The following SMYD3 variants were observed in gnomAD, a reference collection of about 807,000 sequenced individuals.
SMYD3 encodes the protein histone-lysine N-methyltransferase SMYD3.
A neutral mutation model predicts 57.7 loss-of-function variants in SMYD3; 36 were observed. That is an observed-to-expected ratio of 0.62 (90% CI 0.48 to 0.82). The LOEUF (loss-of-function observed/expected upper bound fraction) is 0.82. Among genes scored for constraint, SMYD3 ranks in the 40% least tolerant of loss-of-function variants. The probability of loss-of-function intolerance (pLI) is 0.00; values close to 1 mark genes in which losing one functional copy is unlikely to be tolerated. For missense variants in SMYD3, 515 were observed against 538.8 expected, an observed-to-expected ratio of 0.96 and a Z score of 0.44; for synonymous variants, 211 against 195.0, an observed-to-expected ratio of 1.08 and a Z score of -0.68.
chr1:246,502,357 T>A (rs557412033), intron 1 of SMYD3, among the ~76,000 whole-genome samples: 1 of 152,094 alleles, frequency 6.6e-6, no homozygotes, highest in African/African-American at 2.4e-5. Context: ...ATCTTGAACT[T>A]ATGGGCTCAA....
intron 1 of SMYD3, among the ~76,000 whole-genome samples, chr1:246,451,888 T>C (rs6688034): frequency 0.01 from 1,561 of 152,280 alleles, 27 homozygotes; most frequent in African/African-American, 0.036. Context: ...ACATCAAAAA[T>C]ATACTGTTTT....
At chr1:246,485,613 C>G (rs111392793) in intron 1 of SMYD3, among the ~76,000 whole-genome samples, 2,450 of 151,680 alleles carry the variant, frequency 0.016, 31 homozygotes, top group Non-Finnish European at 0.024. Flanking sequence ...GAGACCCCCC[C>G]CCACATCTCT....
chr1:246,023,480 CA>C (rs2059510149), intron 5 of SMYD3, among the ~76,000 whole-genome samples: 1 of 152,078 alleles, frequency 6.6e-6, no homozygotes, highest in South Asian at 2.1e-4. Context: ...CCACAGTTTT[CA>C]GTAGAAAAGA....
chr1:245,940,413 A>T (rs1195043342), intron 5 of SMYD3, among the ~76,000 whole-genome samples: 1 of 152,124 alleles, frequency 6.6e-6, no homozygotes, highest in Non-Finnish European at 1.5e-5. Flanking sequence ...CTCTGGGAGG[A>T]AGCTCCCAGA....
chr1:246,011,153 C>T (rs1446500388), intron 5 of SMYD3, among the ~76,000 whole-genome samples: 1 of 152,120 alleles, frequency 6.6e-6, no homozygotes. Flanking sequence ...GCAGAAGGAA[C>T]CTCAAAACTT....
At chr1:246,353,717 C>G (rs1205963569) in intron 2 of SMYD3, among the ~76,000 whole-genome samples, 2 of 152,192 alleles carry the variant, frequency 1.3e-5, no homozygotes, top group African/African-American at 2.4e-5. Context: ...TTGGCTGTCT[C>G]TCTGTCCTCA....
intron 5 of SMYD3, among the ~76,000 whole-genome samples, chr1:246,045,164 G>A (rs977999289): frequency 1.4e-4 from 22 of 152,060 alleles, no homozygotes; most frequent in Non-Finnish European, 2.4e-4. Context: ...AAAAGAGCCC[G>A]CATCACCAAG....
chr1:246,168,706 T>C (rs1277014381), intron 5 of SMYD3, among the ~76,000 whole-genome samples: 1 of 152,196 alleles, frequency 6.6e-6, no homozygotes, highest in Non-Finnish European at 1.5e-5. Context: ...CATTCCTTTC[T>C]GCCCACACAC....
intron 1 of SMYD3, among the ~76,000 whole-genome samples, chr1:246,381,613 C>T (rs1344680312): frequency 1.3e-5 from 2 of 152,232 alleles, no homozygotes; most frequent in Non-Finnish European, 2.9e-5. Flanking sequence ...GGAGTGAGTA[C>T]ATCCAGTACC....
At chr1:245,977,406 C>A (rs905313388) in intron 5 of SMYD3, among the ~76,000 whole-genome samples, 1 of 152,134 alleles carries the variant, frequency 6.6e-6, no homozygotes, top group African/African-American at 2.4e-5. Context: ...GGGCCACGCA[C>A]GGTGGCTCAC....
At chr1:246,271,226 AT>A (rs1206285096) in intron 5 of SMYD3, among the ~76,000 whole-genome samples, 2 of 152,142 alleles carry the variant, frequency 1.3e-5, no homozygotes, top group African/African-American at 4.8e-5. Flanking sequence ...AGGTTTGCAA[AT>A]ATCTTCTCCC....
At chr1:245,938,938 G>C (rs1006952660) in intron 5 of SMYD3, among the ~76,000 whole-genome samples, 1 of 152,016 alleles carries the variant, frequency 6.6e-6, no homozygotes, top group African/African-American at 2.4e-5. Flanking sequence ...AAGAAAAGAG[G>C]AGTTCAAGAC....
intron 5 of SMYD3, among the ~76,000 whole-genome samples, chr1:245,938,128 C>T (rs778083168): frequency 2.0e-5 from 3 of 152,322 alleles, no homozygotes; most frequent in Middle Eastern, 3.4e-3. Context: ...ATATTCTCTC[C>T]GGGTGAACTT....
At chr1:246,436,848 C>A (rs114053055) in intron 1 of SMYD3, among the ~76,000 whole-genome samples, 284 of 151,164 alleles carry the variant, frequency 1.9e-3, no homozygotes, top group Non-Finnish European at 3.5e-3. Flanking sequence ...TGCTTTCATT[C>A]AGTAGAAGGG....
chr1:246,313,396 A>T (rs971160458), intron 5 of SMYD3, among the ~76,000 whole-genome samples: 1 of 152,228 alleles, frequency 6.6e-6, no homozygotes, highest in Non-Finnish European at 1.5e-5. Flanking sequence ...GACACCAACC[A>T]GCAAGTCACA....
At chr1:246,357,323 G>C (rs944771665) in intron 1 of SMYD3, among the ~76,000 whole-genome samples, 1 of 152,174 alleles carries the variant, frequency 6.6e-6, no homozygotes, top group African/African-American at 2.4e-5. Flanking sequence ...AGAGTGACCA[G>C]AGGTCACTGG....
At chr1:246,187,317 G>A (rs1324123792) in intron 5 of SMYD3, among the ~76,000 whole-genome samples, 1 of 151,582 alleles carries the variant, frequency 6.6e-6, no homozygotes, top group Non-Finnish European at 1.5e-5. Flanking sequence ...GAAAAGAAAG[G>A]AGAAACAAAT....
At chr1:245,870,256 A>C (rs1296477423) in intron 8 of SMYD3, among the ~76,000 whole-genome samples, 1 of 152,096 alleles carries the variant, frequency 6.6e-6, no homozygotes, top group Non-Finnish European at 1.5e-5. Context: ...TACTACACTA[A>C]GATCAGATAC....
intron 10 of SMYD3, among the ~76,000 whole-genome samples, chr1:245,764,636 T>C (rs928099815): frequency 2.6e-5 from 4 of 152,052 alleles, no homozygotes; most frequent in African/African-American, 7.2e-5. Context: ...AGCCCTTTGA[T>C]TGAATCTCAG....
Sources: allele counts gnomAD v4.1 joint callset (sites outside exome capture counted in the v4.1 genomes callset), GRCh38; gene constraint gnomAD v4.1.1; transcripts MANE v1.5; gene names NCBI Gene and HGNC (gene_info 2026-07-23, HGNC 2026-07-21).